MCTP2: variants seen among roughly 807,000 people sequenced by gnomAD.
The protein encoded by MCTP2 is multiple C2 and transmembrane domain-containing protein 2.
In MCTP2, 132 loss-of-function variants were observed where a neutral mutation model predicts 111.6. That is an observed-to-expected ratio of 1.18 (90% CI 1.03 to 1.37). MCTP2 has a LOEUF of 1.37. MCTP2 is among the 40% of genes most tolerant of loss of function. The pLI, the probability that MCTP2 is intolerant of heterozygous loss-of-function variation, is 0.00. For missense variants in MCTP2, 1,183 were observed against 1,067.9 expected (o/e 1.11, Z -1.50); for synonymous variants, 395 against 387.7 (o/e 1.02, Z -0.22).
intron 20 of MCTP2, 129 bp from the exon 21 acceptor site, chr15:94,470,204 T>A (rs1440396585): frequency 3.0e-6 from 2 of 662,346 alleles, no homozygotes; most frequent in African/African-American, 3.6e-5. Flanking sequence ...TTGAGGTTTT[T>A]AACAAAATTT....
At chr15:94,333,844 G>A (rs1258177819) in intron 4 of MCTP2, among the ~76,000 whole-genome samples, 1 of 152,126 alleles carries the variant, frequency 6.6e-6, no homozygotes, top group Non-Finnish European at 1.5e-5. Flanking sequence ...TTTTTATACA[G>A]CTCTTTCTTT....
intron 4 of MCTP2, among the ~76,000 whole-genome samples, chr15:94,336,085 CA>C (rs1470108081): frequency 6.6e-6 from 1 of 152,202 alleles, no homozygotes; most frequent in East Asian, 1.9e-4. Context: ...GCCTCCGACT[CA>C]TCTGTTTTTT....
chr15:94,247,434 C>T (rs2072095739), intron 1 of MCTP2, among the ~76,000 whole-genome samples: 1 of 152,118 alleles, frequency 6.6e-6, no homozygotes, highest in African/African-American at 2.4e-5. Flanking sequence ...CATGCCAGTT[C>T]TAGGATCCTT....
intron 14 of MCTP2, among the ~76,000 whole-genome samples, chr15:94,394,644 A>G (rs890270989): frequency 1.3e-5 from 2 of 152,086 alleles, no homozygotes; most frequent in Non-Finnish European, 2.9e-5. Flanking sequence ...ATGTGCCTGT[A>G]GTCCTAGCTA....
rs754148250 is a variant in MCTP2, at chr15:94,340,182, C to T, written c.781-17C>T. ...TTACCATAATAATGTGTTAATTGAC[C>T]TCTGTCCTCTTTGTAGGTATATGAT... On this transcript the variant is annotated splice_polypyrimidine_tract_variant and intron_variant, in intron 5 of 22. Coordinates refer to ENST00000357742, the MANE Select transcript of MCTP2 (RefSeq NM_001385001.1). 2 of 1,582,478 alleles carry T rather than the reference C, an allele frequency of 1.3e-6. No individual in the cohort carries two copies. The highest frequency in any genetic ancestry group is 1.7e-6 in the Non-Finnish European group (2 of 1,152,714).
At chr15:94,287,512 T>C (rs920141761) in intron 1 of MCTP2, among the ~76,000 whole-genome samples, 3 of 152,228 alleles carry the variant, frequency 2.0e-5, no homozygotes, top group African/African-American at 7.2e-5. Context: ...TGCACGTGGT[T>C]GTGTACTACT....
rs2081684870 is a variant in MCTP2, at chr15:94,403,072, G to C, written c.2085+1053G>C. ...CATTTTTATGCCATCAAGTATATCA[G>C]CTCCAAAAGAGGCTTTTCCTTTGCC... On this transcript the variant is annotated intron_variant, in intron 17 of 22. Coordinates refer to ENST00000357742, the MANE Select transcript of MCTP2 (RefSeq NM_001385001.1). 1.6e-5 allele frequency: 16 copies of C among 986,704 alleles called. No individual in the cohort carries two copies. The South Asian group carries it at 5.1e-4, about 32-fold the overall frequency. 61.1% of individuals were successfully genotyped at this position (986,704 alleles called of 1,614,324 possible). A position where few individuals can be genotyped will look rare whatever the true frequency, so the allele number is the denominator to read the frequency against.
intron 1 of MCTP2, among the ~76,000 whole-genome samples, chr15:94,233,069 G>A (rs1293773718): frequency 6.6e-6 from 1 of 152,114 alleles, no homozygotes; most frequent in Non-Finnish European, 1.5e-5. Flanking sequence ...ACTATTCCAT[G>A]CTGTCTCTAA....
chr15:94,433,078 A>G (rs977202459), intron 17 of MCTP2, among the ~76,000 whole-genome samples: 6 of 136,900 alleles, frequency 4.4e-5, no homozygotes, highest in African/African-American at 1.5e-4. Context: ...GAAACAATAC[A>G]TAGGGGATTT....
At chr15:94,306,348 A>C (rs1447992717) in intron 2 of MCTP2, among the ~76,000 whole-genome samples, 1 of 152,184 alleles carries the variant, frequency 6.6e-6, no homozygotes, top group Non-Finnish European at 1.5e-5. Context: ...TATTTTTAAC[A>C]TTGCTTATTT....
chr15:94,356,267 A>C lies in MCTP2; in HGVS notation c.1136A>C (p.Gln379Pro), dbSNP rs1212301759. The C allele has an allele frequency of 6.2e-7, 1 of 1,611,384 alleles. No homozygotes were observed. The highest frequency in any genetic ancestry group is 8.5e-7 in the Non-Finnish European group (1 of 1,178,684). ...GGAAGCATGACAGAGATGTTTGTCCAGTTAAAACTGGGAGATCAGAGGTAT... is the reference window on the plus strand; with the variant it reads ...GGAAGCATGACAGAGATGTTTGTCCCGTTAAAACTGGGAGATCAGAGGTAT... ...SGGSMTEMFV[Q>P]LKLGDQRYKS... is the part of the protein sequence containing the mutation. Residue 379 changes from glutamine to proline, a missense_variant, in exon 9 of 23, where the codon CAG becomes CCG. Gln to Pro is a moderately conservative substitution (Grantham distance 76, BLOSUM62 -1). Coordinates refer to ENST00000357742, the MANE Select transcript of MCTP2 (RefSeq NM_001385001.1).
At chr15:94,376,901 A>G (rs192202556) in intron 12 of MCTP2, among the ~76,000 whole-genome samples, 2 of 152,340 alleles carry the variant, frequency 1.3e-5, no homozygotes, top group Non-Finnish European at 1.5e-5. Flanking sequence ...TTAGTATAAA[A>G]TAGCTTGGCG....
intron 1 of MCTP2, among the ~76,000 whole-genome samples, chr15:94,261,696 C>T (rs2073192980): frequency 6.6e-6 from 1 of 152,148 alleles, no homozygotes; most frequent in Non-Finnish European, 1.5e-5. Context: ...GATAGTGTCG[C>T]TTTTAATTGA....
chr15:94,459,207 G>A (rs111832974), intron 20 of MCTP2, among the ~76,000 whole-genome samples: 1,650 of 152,196 alleles, frequency 0.011, 34 homozygotes, highest in African/African-American at 0.038. Flanking sequence ...TATTGGTCGT[G>A]TCTACGGGGA....
chr15:94,354,317 C>G (rs1266706211), intron 8 of MCTP2, among the ~76,000 whole-genome samples: 1 of 152,144 alleles, frequency 6.6e-6, no homozygotes, highest in Non-Finnish European at 1.5e-5. Flanking sequence ...CCACCCAAAT[C>G]TCATCTTGAA....
intron 14 of MCTP2, among the ~76,000 whole-genome samples, chr15:94,393,746 A>T (rs1377867532): frequency 6.6e-6 from 1 of 152,130 alleles, no homozygotes; most frequent in Non-Finnish European, 1.5e-5. Context: ...AACCTAGCAG[A>T]AAACTTAAAG....
Position 94,479,030 on chromosome 15 carries a change from T to C in MCTP2, c.2633T>C (p.Leu878Pro), listed in dbSNP as rs761983542. ...CCCCTGCGGAAGAAGCGCAGCGCTCTCTAGGGCACACACCGACTTTGGACA... is the reference window on the plus strand; with the variant it reads ...CCCCTGCGGAAGAAGCGCAGCGCTCCCTAGGGCACACACCGACTTTGGACA... The part of the protein sequence containing the change: ...HSPLRKKRSA[L>P] Residue 878 changes from leucine to proline, a missense_variant, in exon 23 of 23, where the codon CTC (leucine) becomes CCC (proline). Transcript: ENST00000357742. 5.6e-6 allele frequency: 9 copies of C among 1,614,060 alleles called. No homozygotes were observed. The highest frequency in any genetic ancestry group is 6.8e-6 in the Non-Finnish European group (8 of 1,179,988).
At chr15:94,358,945 T>C (rs113989780) in intron 10 of MCTP2, among the ~76,000 whole-genome samples, 8 of 152,324 alleles carry the variant, frequency 5.3e-5, no homozygotes, top group African/African-American at 1.7e-4. Context: ...CGAAATGTTA[T>C]ATAATTTAGT....
chr15:94,346,816 G>T, intron 8 of MCTP2, among the ~76,000 whole-genome samples: 1 of 152,110 alleles, frequency 6.6e-6, no homozygotes, highest in Admixed American at 6.6e-5. Context: ...CCTGGGTGAA[G>T]TTATCAAAAA....
Sources: allele counts gnomAD v4.1 joint callset (sites outside exome capture counted in the v4.1 genomes callset), GRCh38; gene constraint gnomAD v4.1.1; transcripts MANE v1.5; gene names NCBI Gene and HGNC (gene_info 2026-07-23, HGNC 2026-07-21).